The following HDGFL3 variants were observed in gnomAD, a reference collection of about 807,000 sequenced individuals.
HDGFL3 encodes hepatoma-derived growth factor-related protein 3.
HDGFL3 carries 6 observed loss-of-function variants against 27.6 expected under a neutral mutation model. That is an observed-to-expected ratio of 0.22 (90% CI 0.12 to 0.43). The LOEUF is 0.43. Ranked by LOEUF, HDGFL3 falls within the 20% of genes least tolerant of loss-of-function variation. The probability of loss-of-function intolerance (pLI) is 1.00; values close to 1 mark genes in which losing one functional copy is unlikely to be tolerated. For missense variants in HDGFL3, 207 were observed against 250.1 expected, an observed-to-expected ratio of 0.83 and a Z score of 1.16; for synonymous variants, 88 against 88.9, an observed-to-expected ratio of 0.99 and a Z score of 0.05.
intron 3 of HDGFL3, 94 bp from the exon 4 acceptor site, chr15:83,157,667 T>G: frequency 4.8e-6 from 6 of 1,251,698 alleles, no homozygotes; most frequent in Non-Finnish European, 5.6e-6. Flanking sequence ...TTTGAAAGGG[T>G]TCCGCTTACT....
chr15:83,170,828 A>G (rs2037236277), intron 1 of HDGFL3, among the ~76,000 whole-genome samples: 1 of 152,022 alleles, frequency 6.6e-6, no homozygotes, highest in South Asian at 2.1e-4. Context: ...TGCATCCAAC[A>G]AAGGTGTAAT....
At chr15:83,139,891 A>G (rs1348805225) in intron 5 of HDGFL3, among the ~76,000 whole-genome samples, 1 of 152,200 alleles carries the variant, frequency 6.6e-6, no homozygotes, top group Non-Finnish European at 1.5e-5. Flanking sequence ...TGTTTCATAA[A>G]AGAATTATGT....
chr15:83,177,610 C>A (rs1335166197), intron 1 of HDGFL3, among the ~76,000 whole-genome samples: 1 of 152,184 alleles, frequency 6.6e-6, no homozygotes, highest in Non-Finnish European at 1.5e-5. Flanking sequence ...CCTACACTAA[C>A]ATTGTCATGT....
chr15:83,192,235 C>T, intron 1 of HDGFL3: 1 of 453,074 alleles, frequency 2.2e-6, no homozygotes. Context: ...AGCCACAGTG[C>T]CTGACCTGTA....
At chr15:83,200,875 T>C (rs74801148) in intron 1 of HDGFL3, among the ~76,000 whole-genome samples, 22 of 140,900 alleles carry the variant, frequency 1.6e-4, no homozygotes, top group South Asian at 6.6e-4. Flanking sequence ...TTTTTTTTTT[T>C]CACTTCTGTG....
chr15:83,171,858 C>T (rs1046562714), intron 1 of HDGFL3, among the ~76,000 whole-genome samples: 4 of 151,938 alleles, frequency 2.6e-5, no homozygotes, highest in Admixed American at 6.6e-5. Context: ...CAAACCTGCA[C>T]GTTTTCCTGA....
intron 5 of HDGFL3, among the ~76,000 whole-genome samples, chr15:83,141,864 T>C (rs1344602018): frequency 6.6e-6 from 1 of 152,232 alleles, no homozygotes. Flanking sequence ...AGAAAACCTA[T>C]ATTTTCTAAC....
At chr15:83,170,886 A>AC (rs1350911359) in intron 1 of HDGFL3, among the ~76,000 whole-genome samples, 2 of 151,926 alleles carry the variant, frequency 1.3e-5, no homozygotes, top group African/African-American at 2.4e-5. Flanking sequence ...CAAAAAAAAA[A>AC]AAAAACAAAT....
intron 1 of HDGFL3, among the ~76,000 whole-genome samples, chr15:83,206,874 A>G (rs1461473544): frequency 2.0e-5 from 3 of 152,174 alleles, no homozygotes; most frequent in Non-Finnish European, 4.4e-5. Context: ...GATGACCACT[A>G]CCACTTTCCA....
exon 4 of HDGFL3, chr15:83,114,597 T>C (rs1222526217): frequency 6.6e-6 from 1 of 152,652 alleles, no homozygotes; most frequent in East Asian, 1.9e-4. Context: ...GGGGAGAATG[T>C]GAATGCTGGA....
intron 1 of HDGFL3, among the ~76,000 whole-genome samples, chr15:83,165,175 G>A (rs932025191): frequency 6.6e-6 from 1 of 152,190 alleles, no homozygotes; most frequent in African/African-American, 2.4e-5. Flanking sequence ...TGTCTAGCAA[G>A]TGGGGAACCC....
chr15:83,139,112 C>T lies in HDGFL3; in HGVS notation c.*158G>A. 2.3e-6 allele frequency: 1 copy of T among 437,762 alleles called. No homozygotes were observed. Among genetic ancestry groups the T allele is most frequent in the Non-Finnish European group, 4.1e-6 (1 of 243,634 alleles). The allele number at this position is 437,762 out of a possible 1,614,324, so 27.1% of individuals were successfully genotyped here. On this transcript the variant is annotated 3_prime_UTR_variant, in exon 6 of 6. Transcript: ENST00000299633. ...GCTAAAATGTCTTTTCCCCCCGAAA[C>T]ACAACAGAGAGGAATATGAATAATG...
Position 83,136,444 on chromosome 15 carries a change from T to G in HDGFL3, c.*2826A>C. On this transcript the variant is annotated 3_prime_UTR_variant, in exon 6 of 6. Transcript: ENST00000299633. The stretch of plus-strand genomic sequence containing the variant: ...CATCATGCATCCAACTGAACACGTT[T>G]CATGCTTACTCAATTTTTTTTTTTT... 1 of 1,540,350 alleles carries G rather than the reference T, an allele frequency of 6.5e-7. No homozygotes were observed. Among genetic ancestry groups the G allele is most frequent in the Non-Finnish European group, 8.7e-7 (1 of 1,145,452 alleles).
intron 1 of HDGFL3, among the ~76,000 whole-genome samples, chr15:83,189,762 T>A (rs576056194): frequency 7.6e-4 from 115 of 152,296 alleles, no homozygotes; most frequent in Non-Finnish European, 1.4e-3. Context: ...TCATTTTTTT[T>A]AAAATAATGG....
downstream of HDGFL3, chr15:83,126,927 T>C (rs2035809285): frequency 1.8e-6 from 2 of 1,129,564 alleles, no homozygotes; most frequent in Middle Eastern, 4.1e-4. Context: ...GTGCGGTGGC[T>C]CACGCCTGTA....
In HDGFL3 at chr15:83,182,556, G is replaced by A. The variant is rs1246806852; in HGVS notation, c.85-18481C>T. Among the ~76,000 whole-genome samples, 7 of 152,192 alleles carry A rather than the reference G, an allele frequency of 4.6e-5. No individual in the cohort carries two copies. In the East Asian group the frequency reaches 1.2e-3, roughly 25 times the overall value. On this transcript the variant is annotated intron_variant, in intron 1 of 5. Coordinates refer to ENST00000299633, the MANE Select transcript of HDGFL3 (RefSeq NM_016073.4). ...TGAAAGAAGACTTACACAAGAGTACGTATTGGATGATTCCACTTATATTAA... is the reference window on the plus strand; with the variant it reads ...TGAAAGAAGACTTACACAAGAGTACATATTGGATGATTCCACTTATATTAA...
At chr15:83,156,017 A>G (rs190831869) in intron 4 of HDGFL3, among the ~76,000 whole-genome samples, 6 of 152,302 alleles carry the variant, frequency 3.9e-5, no homozygotes, top group Admixed American at 2.6e-4. Flanking sequence ...TCTGTTTAAA[A>G]TCTTCAAGTA....
intron 5 of HDGFL3, among the ~76,000 whole-genome samples, chr15:83,141,541 A>G (rs2036771733): frequency 6.6e-6 from 1 of 152,202 alleles, no homozygotes; most frequent in African/African-American, 2.4e-5. Flanking sequence ...TGTTCAGTGA[A>G]AACTAGAATT....
intron 1 of HDGFL3, among the ~76,000 whole-genome samples, chr15:83,165,744 G>A (rs942874779): frequency 7.3e-5 from 10 of 137,726 alleles, no homozygotes; most frequent in Non-Finnish European, 9.1e-5. Context: ...ACAGTGAGCC[G>A]AGATTGTGCC....
Sources: allele counts gnomAD v4.1 joint callset (sites outside exome capture counted in the v4.1 genomes callset), GRCh38; gene constraint gnomAD v4.1.1; transcripts MANE v1.5; gene names NCBI Gene and HGNC (gene_info 2026-07-23, HGNC 2026-07-21).